APC: variants seen among roughly 807,000 people sequenced by gnomAD.
The protein encoded by APC is APC regulator of Wnt signaling pathway.
In APC, 72 loss-of-function variants were observed where a neutral mutation model predicts 247.0. That is an observed-to-expected ratio of 0.29 (90% CI 0.24 to 0.35). The LOEUF (loss-of-function observed/expected upper bound fraction) is 0.35. APC is among the 10% of genes least tolerant of loss of function. APC has a pLI of 1.00. For missense variants in APC, 3,400 were observed against 3,360.7 expected (o/e 1.01, Z -0.29); for synonymous variants, 1,254 against 1,162.5 (o/e 1.08, Z -1.60).
chr5:112,792,246 GA>G (rs921344881), intron 6 of APC, among the ~76,000 whole-genome samples, 199 bp from the exon 7 acceptor site: 3 of 146,472 alleles, frequency 2.0e-5, no homozygotes, highest in African/African-American at 7.6e-5. Flanking sequence ...ACTCTGTCTC[GA>G]AAAAAAAAGA....
At chr5:112,824,005 G>A (rs1763401433) in intron 11 of APC, among the ~76,000 whole-genome samples, 1 of 152,170 alleles carries the variant, frequency 6.6e-6, no homozygotes, top group South Asian at 2.1e-4. Context: ...TTAGAACAAG[G>A]CATTTCATGC....
intron 8 of APC, among the ~76,000 whole-genome samples, chr5:112,813,350 A>G (rs1211731865): frequency 6.6e-6 from 1 of 152,208 alleles, no homozygotes; most frequent in Admixed American, 6.5e-5. Flanking sequence ...GGCTTATAAC[A>G]TGACTTATAC....
chr5:112,758,328 T>C (rs1755223246), intron 2 of APC, among the ~76,000 whole-genome samples: 1 of 152,104 alleles, frequency 6.6e-6, no homozygotes, highest in South Asian at 2.1e-4. Context: ...TTTTTTGTTT[T>C]TTGTTTTTTG....
intron 1 of APC, among the ~76,000 whole-genome samples, chr5:112,746,605 G>A (rs1471547833): frequency 6.6e-6 from 1 of 152,066 alleles, no homozygotes; most frequent in African/African-American, 2.4e-5. Flanking sequence ...GAAACGATAT[G>A]ATTATACAAA....
chr5:112,820,888 G>T (rs1399324809), intron 10 of APC, among the ~76,000 whole-genome samples: 1 of 151,996 alleles, frequency 6.6e-6, no homozygotes, highest in Non-Finnish European at 1.5e-5. Context: ...TTGAGACAGG[G>T]TCTCACACAA....
chr5:112,709,893 A>G (rs1267027606), intron 1 of APC, among the ~76,000 whole-genome samples: 1 of 152,002 alleles, frequency 6.6e-6, no homozygotes. Flanking sequence ...TGACAGTAAG[A>G]CCCTGTCTCC....
At chr5:112,796,108 T>A (rs1210449283) in intron 7 of APC, among the ~76,000 whole-genome samples, 4 of 152,180 alleles carry the variant, frequency 2.6e-5, no homozygotes, top group African/African-American at 9.6e-5. Flanking sequence ...AAAATAAAGA[T>A]AACCTTTAAC....
rs1222244799 is a variant in APC at position 112,818,849 on chromosome 5, G to GT, written c.934-117_934-116insT. On this transcript the variant is annotated intron_variant, in intron 9 of 15. Transcript: ENST00000257430. ...CCGGTTTTTTGTTTTTTTTTTGGCG[G>GT]GGGGGGTTGTTTTGTTTTTTTAGAG... 2.3e-5 allele frequency: 24 copies of GT among 1,056,662 alleles called. 2 individuals carry two copies. Among genetic ancestry groups the GT allele is most frequent in the Admixed American group, 6.4e-5 (3 of 47,092 alleles). The allele number at this position is 1,056,662 out of a possible 1,614,324, so 65.5% of individuals were successfully genotyped here.
intron 1 of APC, among the ~76,000 whole-genome samples, chr5:112,717,072 G>A (rs934275651): frequency 3.3e-5 from 5 of 152,182 alleles, no homozygotes; most frequent in East Asian, 1.9e-4. Context: ...GTGCAGTAGC[G>A]TGATCTTGGC....
intron 1 of APC, among the ~76,000 whole-genome samples, chr5:112,742,630 T>TCC (rs1193891632): frequency 6.6e-6 from 1 of 152,200 alleles, no homozygotes; most frequent in Non-Finnish European, 1.5e-5. Flanking sequence ...CGTGGGCCTC[T>TCC]CCATGGGGCT....
intron 4 of APC, among the ~76,000 whole-genome samples, chr5:112,774,389 C>T (rs1304655355): frequency 6.6e-6 from 1 of 151,468 alleles, no homozygotes; most frequent in Non-Finnish European, 1.5e-5. Context: ...ATTCCAAAAT[C>T]CAAAAACACT....
At chr5:112,817,565 A>G (rs1054105222) in intron 9 of APC, among the ~76,000 whole-genome samples, 1 of 152,224 alleles carries the variant, frequency 6.6e-6, no homozygotes, top group Admixed American at 6.5e-5. Flanking sequence ...AGATCTGTCT[A>G]ACCTCAACAT....
chr5:112,712,922 G>C (rs1016515479), intron 1 of APC, among the ~76,000 whole-genome samples: 2 of 152,152 alleles, frequency 1.3e-5, no homozygotes, highest in African/African-American at 4.8e-5. Context: ...TGTAATCCCA[G>C]CACTTGGGGA....
upstream of APC, among the ~76,000 whole-genome samples, chr5:112,733,963 C>G (rs1752231518): frequency 6.6e-6 from 1 of 152,172 alleles, no homozygotes; most frequent in South Asian, 2.1e-4. Flanking sequence ...ATGCTAGGAA[C>G]ACTTCTTTTG....
At chr5:112,728,944 A>G (rs555265627) in intron 1 of APC, among the ~76,000 whole-genome samples, 3 of 152,284 alleles carry the variant, frequency 2.0e-5, no homozygotes, top group Admixed American at 2.0e-4. Context: ...AACACACAAT[A>G]TTGAAATCTC....
At position 112,840,152 on chromosome 5, in the gene APC, G is replaced by A. The variant is rs964842635; in HGVS notation, c.4558G>A (p.Val1520Met). ...SLDEPFIQKDVELRIMPPVQE... is the reference protein window; with the variant it reads ...SLDEPFIQKDMELRIMPPVQE... The stretch of plus-strand genomic sequence containing the variant: ...CGATGAGCCATTTATACAGAAAGAT[G>A]TGGAATTAAGAATAATGCCTCCAGT... Residue 1520 changes from valine to methionine, a missense_variant, in exon 16 of 16, where the codon GTG (valine) becomes ATG (methionine). This residue lies in a region of APC where 1,788 missense variants were observed against 1,649.5 expected (regional missense o/e 1.08). Transcript: ENST00000257430. This position sits in a 1 kb window ranked among gnomAD's most constrained non-coding sequence, Gnocchi z 4.1. 2 of 1,614,120 alleles carry A rather than the reference G, an allele frequency of 1.2e-6. No individual in the cohort carries two copies. The highest frequency in any genetic ancestry group is 2.2e-5 in the South Asian group (2 of 91,088).
chr5:112,842,838 A>T lies in APC; in HGVS notation c.7244A>T (p.Glu2415Val), dbSNP rs1561613976. Residue 2415 changes from glutamate to valine, a missense_variant, in exon 16 of 16, where the codon GAA becomes GTA. Coordinates refer to ENST00000257430, the MANE Select transcript of APC (RefSeq NM_000038.6). ...NNGNGANKKV[E>V]LSRMSSTKSS... ...GGTAATGGAGCCAATAAAAAGGTAGAACTTTCTAGAATGTCTTCAACTAAA... is the reference window on the plus strand; with the variant it reads ...GGTAATGGAGCCAATAAAAAGGTAGTACTTTCTAGAATGTCTTCAACTAAA... 1 of 1,613,878 alleles carries T rather than the reference A, an allele frequency of 6.2e-7. No individual in the cohort carries two copies. The highest frequency in any genetic ancestry group is 8.5e-7 in the Non-Finnish European group (1 of 1,179,882).
At chr5:112,806,000 C>T (rs1241462973) in intron 8 of APC, among the ~76,000 whole-genome samples, 8 of 152,170 alleles carry the variant, frequency 5.3e-5, no homozygotes. Flanking sequence ...ATCTTGCTCT[C>T]ACACCTCCAC....
intron 1 of APC, among the ~76,000 whole-genome samples, chr5:112,743,420 A>G (rs77465371): frequency 1.3e-5 from 2 of 152,012 alleles, no homozygotes; most frequent in Non-Finnish European, 2.9e-5. Context: ...CTGGTTCTCC[A>G]TTTTTTTTAA....
Sources: gnomAD v4.1 joint callset for allele counts (sites outside exome capture counted in the v4.1 genomes callset) on GRCh38, gnomAD v4.1.1 for gene constraint, gnomAD v4.1.1 regional missense constraint, Gnocchi (gnomAD v3.1) non-coding constraint, MANE v1.5 for transcripts, NCBI Gene and HGNC (gene_info 2026-07-23, HGNC 2026-07-21) for gene names.